The following DYNC1LI2 variants were observed in gnomAD, a reference collection of about 807,000 sequenced individuals.
DYNC1LI2 encodes dynein cytoplasmic 1 light intermediate chain 2, also known as cytoplasmic dynein 1 light intermediate chain 2.
A neutral mutation model predicts 57.8 loss-of-function variants in DYNC1LI2; 19 were observed. The observed-to-expected ratio is 0.33, with a 90% CI of 0.23 to 0.48. DYNC1LI2 has a LOEUF of 0.48. DYNC1LI2 is among the 20% of genes least tolerant of loss of function. The probability of loss-of-function intolerance (pLI) is 0.99; values close to 1 mark genes in which losing one functional copy is unlikely to be tolerated. For missense variants in DYNC1LI2, 470 were observed against 604.2 expected (o/e 0.78, Z 2.33); for synonymous variants, 256 against 233.4 (o/e 1.10, Z -0.88).
In DYNC1LI2 at chr16:66,721,452, A is replaced by C. The variant is rs2017450330; in HGVS notation, c.*2270T>G. 1 of 152,636 alleles carries C rather than the reference A, an allele frequency of 6.6e-6. No individual in the cohort carries two copies. The highest frequency in any genetic ancestry group is 2.4e-5 in the African/African-American group (1 of 41,464). The allele number at this position is 152,636 out of a possible 1,614,324, so 9.5% of individuals were successfully genotyped here. ...GTACTCTGCAAATAAAATGAATTTT[A>C]CTTTAAAAACTAAAGGCTGTTTATT... On this transcript the variant is annotated 3_prime_UTR_variant, in exon 13 of 13. Coordinates refer to ENST00000258198, the MANE Select transcript of DYNC1LI2 (RefSeq NM_006141.3).
intron 4 of DYNC1LI2, among the ~76,000 whole-genome samples, chr16:66,737,282 C>CAAAACAAAACAA (rs2017751116): frequency 1.3e-5 from 2 of 151,694 alleles, no homozygotes; most frequent in African/African-American, 4.8e-5. Context: ...CCTCAAAAAA[C>CAAAACAAAACAA]AAAACAAAAC....
intron 11 of DYNC1LI2, among the ~76,000 whole-genome samples, chr16:66,727,208 G>A (rs1038677990): frequency 6.6e-6 from 1 of 152,094 alleles, no homozygotes; most frequent in Non-Finnish European, 1.5e-5. Context: ...ATGAGCCACT[G>A]CATCTGGCCT....
At chr16:66,732,061 C>G in intron 7 of DYNC1LI2, 1 of 378,170 alleles carries the variant, frequency 2.6e-6, no homozygotes, top group Non-Finnish European at 4.8e-6. Context: ...ATTCCCTCCC[C>G]AGCCAGTATT....
At chr16:66,748,337 C>T (rs2017978258) in intron 3 of DYNC1LI2, among the ~76,000 whole-genome samples, 1 of 146,256 alleles carries the variant, frequency 6.8e-6, no homozygotes, top group East Asian at 2.0e-4. Context: ...ATAAAGGAGG[C>T]ATTACTGAGC....
chr16:66,744,563 C>G (rs1230066119), intron 3 of DYNC1LI2, among the ~76,000 whole-genome samples: 1 of 151,768 alleles, frequency 6.6e-6, no homozygotes, highest in Non-Finnish European at 1.5e-5. Context: ...GAGATGGAGT[C>G]TCACTCTATC....
In DYNC1LI2 at chr16:66,742,443, C is replaced by T. The variant is rs1179641151; in HGVS notation, c.524G>A (p.Arg175Gln). The T allele has an allele frequency of 1.1e-5, 18 of 1,613,216 alleles. No homozygotes were observed. The highest frequency in any genetic ancestry group is 1.4e-5 in the Non-Finnish European group (17 of 1,179,442). Residue 175 changes from arginine (R) to glutamine (Q), a missense_variant, in exon 4 of 13, where the codon CGG becomes CAG. By Grantham distance (43) the Arg-to-Gln change is conservative. Coordinates refer to ENST00000258198, the MANE Select transcript of DYNC1LI2 (RefSeq NM_006141.3). ...IPPEKMRELE[R>Q]KFVKDFQDYM... ...GAAAATTATATTTTACTCACACTTCCGTTCCAGCTCCCTCATTTTTTCTGG... is the reference window on the plus strand; with the variant it reads ...GAAAATTATATTTTACTCACACTTCTGTTCCAGCTCCCTCATTTTTTCTGG...
At chr16:66,750,494 T>C (rs2018024134) in intron 2 of DYNC1LI2, among the ~76,000 whole-genome samples, 2 of 152,220 alleles carry the variant, frequency 1.3e-5, no homozygotes, top group South Asian at 4.1e-4. Context: ...TCTGTGTCCC[T>C]GCATACTGAC....
At chr16:66,745,920 T>G (rs1011746027) in intron 3 of DYNC1LI2, among the ~76,000 whole-genome samples, 2 of 150,736 alleles carry the variant, frequency 1.3e-5, no homozygotes, top group Admixed American at 6.6e-5. Context: ...AGAAAAAAAA[T>G]AAAACAAAAC....
At position 66,751,190 on chromosome 16, in the gene DYNC1LI2, C is replaced by T. The variant is rs1012059646; in HGVS notation, c.181+83G>A. On this transcript the variant is annotated intron_variant, in intron 2 of 12. Transcript: ENST00000258198. The surrounding 1 kb of genome is among the most constrained non-coding windows in gnomAD (Gnocchi z 5.2). ...CCAGGCTGCGGGCAGGCGGCTGGAACGGGGAAGGCGGGGACCTGAGGGAGG... is the reference window on the plus strand; with the variant it reads ...CCAGGCTGCGGGCAGGCGGCTGGAATGGGGAAGGCGGGGACCTGAGGGAGG... 7.3e-5 allele frequency: 107 copies of T among 1,456,648 alleles called. No homozygotes were observed. The highest frequency in any genetic ancestry group is 9.3e-5 in the Non-Finnish European group (100 of 1,077,922). The allele number at this position is 1,456,648 out of a possible 1,614,324, so 90.2% of individuals were successfully genotyped here.
chr16:66,738,238 CTTCTTTTT>C (rs2017771170), intron 4 of DYNC1LI2: 1 of 130,256 alleles, frequency 7.7e-6, no homozygotes, highest in Non-Finnish European at 1.6e-5. Context: ...ATCTCTACAG[CTTCTTTTT>C]TTTTTTTTTT....
At chr16:66,742,969 G>A (rs1229344950) in intron 3 of DYNC1LI2, among the ~76,000 whole-genome samples, 1 of 151,984 alleles carries the variant, frequency 6.6e-6, no homozygotes, top group African/African-American at 2.4e-5. Context: ...GACCAGCCTG[G>A]CCAACATGGC....
At chr16:66,726,890 C>T (rs890149541) in intron 11 of DYNC1LI2, among the ~76,000 whole-genome samples, 8 of 151,844 alleles carry the variant, frequency 5.3e-5, no homozygotes, top group African/African-American at 1.7e-4. Context: ...GCCTCAGCCT[C>T]CCAAAGTGCT....
chr16:66,725,753 G>T, intron 12 of DYNC1LI2, 75 bp downstream of exon 12: 1 of 1,443,298 alleles, frequency 6.9e-7, no homozygotes, highest in Non-Finnish European at 9.6e-7. Context: ...GGGTCTGCAG[G>T]GCAGGTGTCT....
chr16:66,737,949 T>C (rs1282916520), intron 4 of DYNC1LI2, among the ~76,000 whole-genome samples: 1 of 152,088 alleles, frequency 6.6e-6, no homozygotes, highest in Non-Finnish European at 1.5e-5. Context: ...CCCTTCTAAG[T>C]CCAGTAAGAC....
intron 6 of DYNC1LI2, 145 bp from the exon 7 acceptor site, chr16:66,732,619 C>T (rs1227068378): frequency 3.6e-5 from 29 of 804,930 alleles, no homozygotes; most frequent in Non-Finnish European, 4.8e-5. Flanking sequence ...AAAACTAAAA[C>T]GCTTATAGTA....
Position 66,730,214 on chromosome 16 carries a change from G to C in DYNC1LI2, c.939C>G (p.Gly313=). 6.2e-7 allele frequency: 1 copy of C among 1,613,418 alleles called. No individual in the cohort carries two copies. The highest frequency in any genetic ancestry group is 1.1e-5 in the South Asian group (1 of 90,998). ...TAGCTATTTTCTTTTCATTGTCCCA[G>C]CCTGCAGGTCTAAAGGCAAAGAGAG... ...VEKDAVFIPA[G]WDNEKKIAIL... Residue 313 remains glycine, a synonymous_variant, in exon 8 of 13, where the codon GGC becomes GGG. Transcript: ENST00000258198.
chr16:66,736,362 C>T, intron 4 of DYNC1LI2, 118 bp from the exon 5 acceptor site: 1 of 1,231,100 alleles, frequency 8.1e-7, no homozygotes, highest in South Asian at 1.6e-5. Context: ...GTGTGACAAA[C>T]TTCTTAGTCA....
chr16:66,735,665 GCTGT>G (rs1285559611), intron 5 of DYNC1LI2, among the ~76,000 whole-genome samples: 7 of 151,718 alleles, frequency 4.6e-5, no homozygotes, highest in African/African-American at 9.7e-5. Flanking sequence ...CGCCACCACG[GCTGT>G]CTAATTTTTT....
chr16:66,737,735 C>T (rs905574041), intron 4 of DYNC1LI2, among the ~76,000 whole-genome samples: 3 of 152,212 alleles, frequency 2.0e-5, no homozygotes, highest in African/African-American at 7.2e-5. Flanking sequence ...ACAACATCCA[C>T]TTATTGGCAT....
Sources: gnomAD v4.1 joint callset for allele counts (sites outside exome capture counted in the v4.1 genomes callset) on GRCh38, gnomAD v4.1.1 for gene constraint, Gnocchi (gnomAD v3.1) non-coding constraint, MANE v1.5 for transcripts, NCBI Gene and HGNC (gene_info 2026-07-23, HGNC 2026-07-21) for gene names.